The following C14orf39 variants were observed in gnomAD, a reference collection of about 807,000 sequenced individuals.
C14orf39 encodes protein SIX6OS1.
C14orf39 carries 66 observed loss-of-function variants against 85.6 expected under a neutral mutation model. The ratio of observed to expected loss-of-function variants is 0.77; its 90% CI spans 0.63 to 0.95. The LOEUF (loss-of-function observed/expected upper bound fraction) is 0.95, where lower values mean the gene tolerates loss of function less well. Ranked by LOEUF, C14orf39 falls within the 40% of genes least tolerant of loss-of-function variation. The probability of loss-of-function intolerance (pLI) is 0.00; values close to 1 mark genes in which losing one functional copy is unlikely to be tolerated. For synonymous variants in C14orf39, 242 were observed against 214.0 expected, an observed-to-expected ratio of 1.13 and a Z score of -1.14; for missense variants, 735 against 663.9, an observed-to-expected ratio of 1.11 and a Z score of -1.18.
chr14:60,454,148 A>G (rs1891157911), intron 16 of C14orf39, among the ~76,000 whole-genome samples: 1 of 145,330 alleles, frequency 6.9e-6, no homozygotes, highest in Non-Finnish European at 1.5e-5. Context: ...TATAACATGT[A>G]TAGTACTATA....
intron 5 of C14orf39, among the ~76,000 whole-genome samples, chr14:60,474,779 G>C (rs1195420624): frequency 6.6e-6 from 1 of 151,976 alleles, no homozygotes; most frequent in Non-Finnish European, 1.5e-5. Context: ...TAAGCTTTTT[G>C]ATGTGCTGCT....
chr14:60,504,252 AG>A (rs1893179032), intron 1 of C14orf39, among the ~76,000 whole-genome samples: 1 of 152,262 alleles, frequency 6.6e-6, no homozygotes, highest in African/African-American at 2.4e-5. Context: ...ATCAACTCAA[AG>A]AATTTAAGGT....
At chr14:60,457,676 C>CA (rs966415037) in intron 14 of C14orf39, among the ~76,000 whole-genome samples, 1 of 151,812 alleles carries the variant, frequency 6.6e-6, no homozygotes, top group Non-Finnish European at 1.5e-5. Flanking sequence ...GTCTCTTCAT[C>CA]AAAAAAATTA....
intron 15 of C14orf39, among the ~76,000 whole-genome samples, chr14:60,455,640 AG>A (rs1441114341): frequency 6.6e-6 from 1 of 152,114 alleles, no homozygotes; most frequent in Non-Finnish European, 1.5e-5. Context: ...AAAAATAATT[AG>A]ACAAGACAGT....
chr14:60,487,491 C>CTGTGTGTGTG (rs1892916963), upstream of C14orf39, among the ~76,000 whole-genome samples: 2 of 43,078 alleles, frequency 4.6e-5, no homozygotes, highest in African/African-American at 6.4e-5. Context: ...GAATAAAAGT[C>CTGTGTGTGTG]CGTGTGTGTG....
chr14:60,442,940 T>C (rs1219496360), intron 16 of C14orf39, among the ~76,000 whole-genome samples: 2 of 152,316 alleles, frequency 1.3e-5, no homozygotes, highest in South Asian at 2.1e-4. Context: ...ATAAGCACTT[T>C]ATAGTCTAGA....
At chr14:60,509,457 C>T in intron 1 of C14orf39, 1 of 1,600,188 alleles carries the variant, frequency 6.2e-7, no homozygotes, top group Non-Finnish European at 8.5e-7. Flanking sequence ...GTATGTGAGA[C>T]CCTGGAAGAG....
chr14:60,509,043 G>A (rs1893247743), intron 1 of C14orf39: 1 of 329,856 alleles, frequency 3.0e-6, no homozygotes, highest in Non-Finnish European at 5.6e-6. Flanking sequence ...ACGGGGAGGT[G>A]CTGAAATAGT....
At chr14:60,453,909 T>A (rs1304242888) in intron 16 of C14orf39, among the ~76,000 whole-genome samples, 5 of 151,982 alleles carry the variant, frequency 3.3e-5, no homozygotes, top group African/African-American at 1.2e-4. Context: ...GTATTGCATG[T>A]GTTTATGTAT....
At chr14:60,511,335 C>T in intron 1 of C14orf39, 2 of 1,484,086 alleles carry the variant, frequency 1.3e-6, no homozygotes, top group Non-Finnish European at 1.9e-6. Context: ...AGATGAGAGA[C>T]CTGCAAATCC....
chr14:60,462,285 G>A (rs925900959), intron 11 of C14orf39, among the ~76,000 whole-genome samples: 3 of 151,912 alleles, frequency 2.0e-5, no homozygotes, highest in African/African-American at 7.3e-5. Context: ...AGGGAGGGTG[G>A]GGTTGAGGTG....
chr14:60,487,712 C>G (rs1892923052), upstream of C14orf39, among the ~76,000 whole-genome samples: 1 of 152,194 alleles, frequency 6.6e-6, no homozygotes, highest in South Asian at 2.1e-4. Context: ...TTCACTGTTT[C>G]CCTAATGGCG....
At chr14:60,504,761 C>T (rs1566689588) in intron 1 of C14orf39, among the ~76,000 whole-genome samples, 1 of 152,158 alleles carries the variant, frequency 6.6e-6, no homozygotes, top group Non-Finnish European at 1.5e-5. Flanking sequence ...GAATTTAAGA[C>T]CACAGTTTAT....
At chr14:60,438,065 A>G (rs942647435) in intron 17 of C14orf39, among the ~76,000 whole-genome samples, 1 of 151,936 alleles carries the variant, frequency 6.6e-6, no homozygotes, top group Non-Finnish European at 1.5e-5. Context: ...GTCTTTTTAA[A>G]TATCTATTTT....
chr14:60,452,212 C>T (rs908523697), intron 16 of C14orf39, among the ~76,000 whole-genome samples: 2 of 148,140 alleles, frequency 1.4e-5, no homozygotes, highest in African/African-American at 2.5e-5. Context: ...ATGGTAACCA[C>T]AATCGAAAAA....
chr14:60,450,997 C>G (rs1033513610), intron 16 of C14orf39, among the ~76,000 whole-genome samples: 1 of 152,178 alleles, frequency 6.6e-6, no homozygotes, highest in South Asian at 2.1e-4. Flanking sequence ...AAGACAGGCA[C>G]TACAAGCCCA....
intron 9 of C14orf39, among the ~76,000 whole-genome samples, chr14:60,467,264 C>G (rs929083475): frequency 1.3e-5 from 2 of 151,780 alleles, no homozygotes; most frequent in Non-Finnish European, 3.0e-5. Context: ...CAATGCTCTT[C>G]TCAATATAGT....
At chr14:60,513,162 A>G (rs1893317743) in intron 1 of C14orf39, among the ~76,000 whole-genome samples, 1 of 152,132 alleles carries the variant, frequency 6.6e-6, no homozygotes, top group Non-Finnish European at 1.5e-5. Context: ...TATCCAGAGA[A>G]TTCTTGAAAA....
chr14:60,464,030 T>C (rs1389367362), intron 11 of C14orf39, among the ~76,000 whole-genome samples: 1 of 152,130 alleles, frequency 6.6e-6, no homozygotes, highest in Non-Finnish European at 1.5e-5. Flanking sequence ...CTCCTGCAGA[T>C]AGAGGTACCC....
Sources: gnomAD v4.1 joint callset for allele counts (sites outside exome capture counted in the v4.1 genomes callset) on GRCh38, gnomAD v4.1.1 for gene constraint, MANE v1.5 for transcripts, NCBI Gene and HGNC (gene_info 2026-07-23, HGNC 2026-07-21) for gene names.